The following ABCB4 variants were observed in gnomAD, a reference collection of about 807,000 sequenced individuals.
ABCB4 encodes the protein ATP binding cassette subfamily B member 4, also known as phosphatidylcholine translocator ABCB4.
A neutral mutation model predicts 145.7 loss-of-function variants in ABCB4; 76 were observed. The ratio of observed to expected loss-of-function variants is 0.52; its 90% CI spans 0.43 to 0.63. The LOEUF is 0.63. Among genes scored for constraint, ABCB4 ranks in the 30% least tolerant of loss-of-function variants. The pLI, the probability that ABCB4 is intolerant of heterozygous loss-of-function variation, is 0.00. For synonymous variants in ABCB4, 517 were observed against 566.8 expected (o/e 0.91, Z 1.25); for missense variants, 1,234 against 1,553.1 (o/e 0.79, Z 3.45).
At chr7:87,452,863 T>C in intron 6 of ABCB4, 81 bp downstream of exon 6, 1 of 1,488,120 alleles carries the variant, frequency 6.7e-7, no homozygotes, top group Non-Finnish European at 9.3e-7. Flanking sequence ...AGTAACATTT[T>C]TCATTTAAAA....
intron 26 of ABCB4, among the ~76,000 whole-genome samples, chr7:87,405,583 C>T (rs45508495): frequency 3.3e-5 from 5 of 152,118 alleles, no homozygotes; most frequent in East Asian, 3.9e-4. Flanking sequence ...CCCACCACGA[C>T]GCCTGGTTGA....
At chr7:87,468,731 G>A (rs1259783675) in intron 3 of ABCB4, among the ~76,000 whole-genome samples, 2 of 151,978 alleles carry the variant, frequency 1.3e-5, no homozygotes, top group African/African-American at 4.8e-5. Flanking sequence ...AAGAGATCAA[G>A]ACCATCCTGG....
intron 7 of ABCB4, 149 bp from the exon 8 acceptor site, chr7:87,450,241 A>G: frequency 2.7e-6 from 3 of 1,113,558 alleles, no homozygotes; most frequent in South Asian, 1.4e-5. Flanking sequence ...TCTGGATCCA[A>G]TGGCTGCGTC....
chr7:87,369,874 C>G, the ABCB4 span, among the ~76,000 whole-genome samples: 1 of 148,498 alleles, frequency 6.7e-6, no homozygotes, highest in African/African-American at 2.5e-5. Context: ...TGGTATACAT[C>G]TTCTATGTAT....
the ABCB4 span, chr7:87,382,208 A>G: frequency 6.5e-7 from 1 of 1,550,292 alleles, no homozygotes; most frequent in Middle Eastern, 1.7e-4. Context: ...TCTCTTAAAT[A>G]ATAATGATTT....
At chr7:87,466,660 T>C (rs1228506163) in intron 3 of ABCB4, among the ~76,000 whole-genome samples, 1 of 152,144 alleles carries the variant, frequency 6.6e-6, no homozygotes, top group Non-Finnish European at 1.5e-5. Context: ...AAAGGTCAGG[T>C]TACCCACAAA....
chr7:87,386,914 A>G, the ABCB4 span, among the ~76,000 whole-genome samples: 17 of 152,262 alleles, frequency 1.1e-4, no homozygotes, highest in East Asian at 2.3e-3. Flanking sequence ...AGGTTGAAGC[A>G]GGAATGATTT....
intron 4 of ABCB4, 128 bp downstream of exon 4, chr7:87,462,630 G>T: frequency 1.2e-6 from 1 of 848,872 alleles, no homozygotes; most frequent in Non-Finnish European, 1.9e-6. Flanking sequence ...CTCCTTCTAT[G>T]ATATCTGGAG....
At chr7:87,411,464 G>A (rs1187408859) in intron 23 of ABCB4, among the ~76,000 whole-genome samples, 1 of 152,178 alleles carries the variant, frequency 6.6e-6, no homozygotes, top group Non-Finnish European at 1.5e-5. Flanking sequence ...GTTAGGGAGA[G>A]AGTGCCTTTG....
chr7:87,413,735 C>T lies in ABCB4; in HGVS notation c.2683-18G>A. On this transcript the variant is annotated intron_variant, in intron 21 of 27. Transcript: ENST00000649586. ...GTTGCAATCTGTAACACAGAATAGA[C>T]CTTCATTAGAAGTGGTGTTTTCACT... The T allele has an allele frequency of 6.7e-7, 1 of 1,500,800 alleles. No homozygotes were observed. The highest frequency in any genetic ancestry group is 9.3e-7 in the Non-Finnish European group (1 of 1,077,040). 93.0% of individuals were successfully genotyped at this position (1,500,800 alleles called of 1,614,324 possible). A position where few individuals can be genotyped will look rare whatever the true frequency, so the allele number is the denominator to read the frequency against.
At chr7:87,376,590 GA>G in the ABCB4 span, among the ~76,000 whole-genome samples, 1 of 150,468 alleles carries the variant, frequency 6.6e-6, no homozygotes, top group African/African-American at 2.4e-5. Flanking sequence ...TAAATAATAG[GA>G]AAAAATATCA....
chr7:87,391,468 A>T, the ABCB4 span: 2 of 901,142 alleles, frequency 2.2e-6, no homozygotes, highest in South Asian at 4.3e-5. Context: ...GAAAGTCTCC[A>T]ACCTATCTGT....
At chr7:87,400,381 C>T (rs141963235), downstream of ABCB4, among the ~76,000 whole-genome samples, 29 of 152,306 alleles carry the variant, frequency 1.9e-4, no homozygotes, top group East Asian at 5.8e-4. Context: ...GAAACATGTA[C>T]GCTCTGAATT....
At chr7:87,384,000 T>G in the ABCB4 span, among the ~76,000 whole-genome samples, 489 of 152,264 alleles carry the variant, frequency 3.2e-3, 1 homozygote, top group Non-Finnish European at 5.5e-3. Flanking sequence ...ACTTTCAGAC[T>G]GTTCGCCATA....
At chr7:87,399,260 A>C (rs1400500072), downstream of ABCB4, 5 of 152,740 alleles carry the variant, frequency 3.3e-5, no homozygotes, top group Non-Finnish European at 7.3e-5. Context: ...GGATTGCTTG[A>C]AGCTAGGAGT....
chr7:87,378,529 T>C, the ABCB4 span, among the ~76,000 whole-genome samples: 4 of 152,222 alleles, frequency 2.6e-5, no homozygotes, highest in African/African-American at 7.2e-5. Context: ...CATTTTTTGG[T>C]ACTGCTTTCT....
At chr7:87,445,003 T>A in intron 9 of ABCB4, 28 bp from the exon 10 acceptor site, 1 of 1,435,030 alleles carries the variant, frequency 7.0e-7, no homozygotes, top group African/African-American at 1.4e-5. Flanking sequence ...AGGAAAAGTT[T>A]AAGTCACATT....
chr7:87,377,521 T>G, the ABCB4 span: 1 of 898,402 alleles, frequency 1.1e-6, no homozygotes, highest in Non-Finnish European at 1.8e-6. Context: ...CCATAAATAC[T>G]TGTGCTGGGG....
intron 3 of ABCB4, among the ~76,000 whole-genome samples, chr7:87,464,712 G>C (rs568783783): frequency 6.6e-6 from 1 of 151,716 alleles, no homozygotes; most frequent in South Asian, 2.1e-4. Context: ...ACCTCTTTCA[G>C]GACAAAAAAT....
Sources: gnomAD v4.1 joint callset for allele counts (sites outside exome capture counted in the v4.1 genomes callset) on GRCh38, gnomAD v4.1.1 for gene constraint, MANE v1.5 for transcripts, NCBI Gene and HGNC (gene_info 2026-07-23, HGNC 2026-07-21) for gene names.